PTPRA: variants seen among roughly 807,000 people sequenced by gnomAD.
PTPRA encodes the protein protein tyrosine phosphatase receptor type A.
Under a neutral mutation model 104.8 loss-of-function variants are expected in PTPRA, and 25 were observed. That is an observed-to-expected ratio of 0.24 (90% CI 0.17 to 0.33). The LOEUF (loss-of-function observed/expected upper bound fraction) is 0.33, where lower values mean the gene tolerates loss of function less well. Among genes scored for constraint, PTPRA ranks in the 10% least tolerant of loss-of-function variants. PTPRA has a pLI of 1.00. For synonymous variants in PTPRA, 323 were observed against 368.9 expected (o/e 0.88, Z 1.43); for missense variants, 765 against 1,015.3 (o/e 0.75, Z 3.35).
intron 9 of PTPRA, among the ~76,000 whole-genome samples, chr20:2,993,679 A>G (rs2063282352): frequency 6.6e-6 from 1 of 152,262 alleles, no homozygotes; most frequent in Non-Finnish European, 1.5e-5. Flanking sequence ...GTAGCACTTA[A>G]GATCCTGCGG....
At chr20:2,921,710 A>C (rs2060104155) in intron 1 of PTPRA, among the ~76,000 whole-genome samples, 1 of 152,112 alleles carries the variant, frequency 6.6e-6, no homozygotes, top group African/African-American at 2.4e-5. Flanking sequence ...AGGGCTTATT[A>C]GAGGAGTAAT....
At chr20:2,956,740 G>A (rs1184232499) in intron 3 of PTPRA, among the ~76,000 whole-genome samples, 1 of 152,106 alleles carries the variant, frequency 6.6e-6, no homozygotes, top group Non-Finnish European at 1.5e-5. Context: ...CCCATTGATA[G>A]ACGTTAAGGG....
At chr20:2,881,470 G>A (rs1017535630) in intron 1 of PTPRA, among the ~76,000 whole-genome samples, 1 of 152,048 alleles carries the variant, frequency 6.6e-6, no homozygotes, top group Admixed American at 6.6e-5. Flanking sequence ...TCCATCAGAT[G>A]CTTTACAAAA....
intron 11 of PTPRA, among the ~76,000 whole-genome samples, chr20:3,007,974 TTTTG>T (rs1265279408): frequency 6.6e-6 from 1 of 152,156 alleles, no homozygotes; most frequent in African/African-American, 2.4e-5. Flanking sequence ...GATTTGAGGT[TTTTG>T]TTTGGTTGGT....
chr20:2,919,431 TTC>T (rs1285038495), intron 1 of PTPRA, among the ~76,000 whole-genome samples: 3 of 152,214 alleles, frequency 2.0e-5, no homozygotes, highest in Admixed American at 6.5e-5. Flanking sequence ...GTGGTGGAAT[TTC>T]TGTGTGTTTT....
At position 3,038,354 on chromosome 20, in the gene PTPRA, G is replaced by T; in HGVS notation, c.*221G>T. On this transcript the variant is annotated 3_prime_UTR_variant, in exon 24 of 24. Transcript: ENST00000399903. ...GGGGAATTAAATAGTGTGATGTTTG[G>T]ATTGATATCGTGAAATCCTCAGCCG... is the stretch of plus-strand genomic sequence containing the variant. 2.2e-6 allele frequency: 1 copy of T among 458,146 alleles called. No individual in the cohort carries two copies. Among genetic ancestry groups the T allele is most frequent in the Non-Finnish European group, 3.9e-6 (1 of 257,310 alleles). The allele number at this position is 458,146 out of a possible 1,614,324, so 28.4% of individuals were successfully genotyped here. A position where few individuals can be genotyped will look rare whatever the true frequency, so the allele number is the denominator to read the frequency against.
intron 5 of PTPRA, 126 bp downstream of exon 5, chr20:2,965,328 A>T (rs943108963): frequency 4.6e-5 from 44 of 966,634 alleles, no homozygotes; most frequent in Non-Finnish European, 6.6e-5. Flanking sequence ...AAGTAATGAA[A>T]CCTGTATGTG....
At chr20:2,925,472 C>A (rs919998654) in intron 2 of PTPRA, among the ~76,000 whole-genome samples, 3 of 152,128 alleles carry the variant, frequency 2.0e-5, no homozygotes, top group Admixed American at 1.3e-4. Context: ...CACTGATGGA[C>A]ACTTGGGCTG....
chr20:2,978,098 AGTGATCAGAGGTGGCCTCAACAGAATGG>A (rs1439067354), intron 6 of PTPRA, among the ~76,000 whole-genome samples: 1 of 152,136 alleles, frequency 6.6e-6, no homozygotes, highest in Non-Finnish European at 1.5e-5. Context: ...AGGTGTGGGG[AGTGATCAGAGGTGGCCTCAACAGAATGG>A]GTGTGGTGGT....
At chr20:2,875,896 G>A (rs1461669285) in intron 1 of PTPRA, among the ~76,000 whole-genome samples, 1 of 152,178 alleles carries the variant, frequency 6.6e-6, no homozygotes, top group African/African-American at 2.4e-5. Flanking sequence ...GGATCATGAA[G>A]GATGCATAGG....
Position 3,004,899 on chromosome 20 carries a change from G to A in PTPRA, c.739-157G>A, listed in dbSNP as rs541635309. Among the ~76,000 whole-genome samples the A allele has an allele frequency of 2.6e-5, 4 of 152,306 alleles. No homozygotes were observed. The East Asian group carries it at 7.7e-4, about 29-fold the overall frequency. On this transcript the variant is annotated intron_variant, in intron 9 of 23. Transcript: ENST00000399903. ...CTTGTGGCTGTTTCGGGGGAGAGGAGCATTCTCTGTGTTAGGCTGCAGGTA... is the reference window on the plus strand; with the variant it reads ...CTTGTGGCTGTTTCGGGGGAGAGGAACATTCTCTGTGTTAGGCTGCAGGTA...
intron 9 of PTPRA, among the ~76,000 whole-genome samples, chr20:2,991,789 C>G (rs1391079282): frequency 6.6e-6 from 1 of 152,174 alleles, no homozygotes; most frequent in Non-Finnish European, 1.5e-5. Context: ...CCATCATCAC[C>G]TGGGTTTCTA....
intron 3 of PTPRA, among the ~76,000 whole-genome samples, chr20:2,962,833 T>G (rs957873850): frequency 1.3e-5 from 2 of 152,156 alleles, no homozygotes; most frequent in African/African-American, 2.4e-5. Context: ...AGGGGCAAAC[T>G]CCTGGAGTAT....
At chr20:2,948,443 C>T (rs1294104845) in intron 3 of PTPRA, among the ~76,000 whole-genome samples, 2 of 152,256 alleles carry the variant, frequency 1.3e-5, no homozygotes, top group African/African-American at 4.8e-5. Flanking sequence ...CATCCATTCT[C>T]TTCCCAGTAC....
intron 7 of PTPRA, among the ~76,000 whole-genome samples, chr20:2,987,200 A>G (rs1322956719): frequency 6.6e-6 from 1 of 151,704 alleles, no homozygotes; most frequent in African/African-American, 2.4e-5. Flanking sequence ...TGCTGAAGCA[A>G]CCCCTAAAAG....
intron 17 of PTPRA, among the ~76,000 whole-genome samples, chr20:3,024,969 T>C (rs2065060722): frequency 6.6e-6 from 1 of 152,258 alleles, no homozygotes; most frequent in Non-Finnish European, 1.5e-5. Flanking sequence ...TAGTGCTGTC[T>C]TTGTAACACA....
intron 11 of PTPRA, among the ~76,000 whole-genome samples, chr20:3,013,776 C>A (rs1022295843): frequency 1.3e-5 from 2 of 152,108 alleles, no homozygotes; most frequent in Admixed American, 1.3e-4. Context: ...CACCTAGAGC[C>A]CACTGAGATT....
chr20:2,996,014 T>C (rs1367714808), intron 9 of PTPRA, among the ~76,000 whole-genome samples: 3 of 152,210 alleles, frequency 2.0e-5, no homozygotes, highest in African/African-American at 7.2e-5. Flanking sequence ...GTTGTCAGTT[T>C]CTTTCCTTCC....
rs1266655378 is a variant in PTPRA at position 3,038,541 on chromosome 20, ATCC to A, written c.*409_*411del. On this transcript the variant is annotated 3_prime_UTR_variant, in exon 24 of 24. Transcript: ENST00000399903. ...CCCCGTACCACCATGCACTGTAAAT[ATCC>A]CTCCCCTCTCTCCCTGGTCCCCTCC... 5 of 195,936 alleles carry A rather than the reference ATCC, an allele frequency of 2.6e-5. No homozygotes were observed. Among genetic ancestry groups the A allele is most frequent in the Non-Finnish European group, 5.2e-5 (5 of 95,468 alleles). The allele number at this position is 195,936 out of a possible 1,614,324, so 12.1% of individuals were successfully genotyped here. A position where few individuals can be genotyped will look rare whatever the true frequency, so the allele number is the denominator to read the frequency against.
Sources: gnomAD v4.1 joint callset for allele counts (sites outside exome capture counted in the v4.1 genomes callset) on GRCh38, gnomAD v4.1.1 for gene constraint, MANE v1.5 for transcripts, NCBI Gene and HGNC (gene_info 2026-07-23, HGNC 2026-07-21) for gene names.